Variants in LRRIQ3 observed in about 807,000 individuals in gnomAD.
The protein encoded by LRRIQ3 is leucine rich repeats and IQ motif containing 3, also known as leucine-rich repeat and IQ domain-containing protein 3.
In LRRIQ3, 75 loss-of-function variants were observed where a neutral mutation model predicts 59.3. The observed-to-expected ratio is 1.26, with a 90% CI of 1.05 to 1.53. The LOEUF is 1.53. LRRIQ3 is among the 40% of genes most tolerant of loss of function. The pLI is 0.00. For synonymous variants in LRRIQ3, 250 were observed against 231.3 expected (o/e 1.08, Z -0.73); for missense variants, 831 against 710.0 (o/e 1.17, Z -1.94).
chr1:74,120,152 T>C (rs1229484467), intron 4 of LRRIQ3, among the ~76,000 whole-genome samples: 1 of 151,656 alleles, frequency 6.6e-6, no homozygotes, highest in East Asian at 1.9e-4. Context: ...GGAGTCCTGC[T>C]GTGTCGCCAA....
At chr1:74,145,210 C>T (rs765138452) in intron 4 of LRRIQ3, among the ~76,000 whole-genome samples, 3 of 152,080 alleles carry the variant, frequency 2.0e-5, no homozygotes, top group Non-Finnish European at 4.4e-5. Flanking sequence ...CAATTCGGTG[C>T]TTTTTCCCTG....
intron 6 of LRRIQ3, among the ~76,000 whole-genome samples, chr1:74,043,041 T>A (rs1654094885): frequency 6.6e-6 from 1 of 152,124 alleles, no homozygotes; most frequent in Non-Finnish European, 1.5e-5. Context: ...TAATTATGTT[T>A]CAGTCAATAT....
At chr1:74,133,081 C>T (rs1267450994) in intron 4 of LRRIQ3, among the ~76,000 whole-genome samples, 9 of 152,118 alleles carry the variant, frequency 5.9e-5, no homozygotes, top group South Asian at 2.1e-4. Context: ...CAAAAGAAGA[C>T]ATTTATGCAG....
At chr1:74,048,114 T>C (rs923688123) in intron 6 of LRRIQ3, among the ~76,000 whole-genome samples, 9 of 152,132 alleles carry the variant, frequency 5.9e-5, no homozygotes, top group African/African-American at 2.2e-4. Context: ...TTCTGTTCCT[T>C]AAGTCACCCA....
chr1:74,157,122 T>G (rs1031718161), intron 3 of LRRIQ3, among the ~76,000 whole-genome samples: 1 of 152,142 alleles, frequency 6.6e-6, no homozygotes, highest in Non-Finnish European at 1.5e-5. Context: ...GTCTTTATTC[T>G]ATTCCCAACA....
chr1:74,186,263 A>G (rs536831193), intron 1 of LRRIQ3, among the ~76,000 whole-genome samples: 1 of 151,972 alleles, frequency 6.6e-6, no homozygotes, highest in East Asian at 1.9e-4. Context: ...AGATTCATCC[A>G]CCAGGAATAA....
At chr1:74,036,191 A>C (rs1653867887) in intron 7 of LRRIQ3, among the ~76,000 whole-genome samples, 1 of 152,150 alleles carries the variant, frequency 6.6e-6, no homozygotes. Context: ...TTTTAAGCTG[A>C]AGGAAACTGA....
chr1:74,172,303 T>G (rs1342497487), intron 3 of LRRIQ3, among the ~76,000 whole-genome samples: 1 of 152,200 alleles, frequency 6.6e-6, no homozygotes, highest in Non-Finnish European at 1.5e-5. Context: ...TTTTAGTAAG[T>G]TCATTTTCAC....
chr1:74,166,749 C>A (rs181766082), intron 3 of LRRIQ3, among the ~76,000 whole-genome samples: 1 of 151,578 alleles, frequency 6.6e-6, no homozygotes, highest in African/African-American at 2.4e-5. Context: ...TTCAGTTAAC[C>A]ATTTCTTTAT....
intron 5 of LRRIQ3, among the ~76,000 whole-genome samples, chr1:74,086,700 G>A (rs1646331044): frequency 6.6e-6 from 1 of 152,050 alleles, no homozygotes; most frequent in African/African-American, 2.4e-5. Context: ...TAAAGAAACT[G>A]GGAACATGAG....
rs2100390536 is a variant in LRRIQ3 at position 74,041,949 on chromosome 1, G to A, written c.998-16C>T. 6.4e-7 allele frequency: 1 copy of A among 1,566,744 alleles called. No individual in the cohort carries two copies. ...GACTCCTGACCTACATCAAACAGAA[G>A]CAAATATTATACATTATACAAGAGC... is the stretch of plus-strand genomic sequence containing the variant. On this transcript the variant is annotated splice_polypyrimidine_tract_variant and intron_variant, in intron 6 of 7. Transcript: ENST00000354431.
At chr1:74,029,421 T>C (rs975921614) in intron 7 of LRRIQ3, among the ~76,000 whole-genome samples, 3 of 152,138 alleles carry the variant, frequency 2.0e-5, no homozygotes, top group Admixed American at 6.6e-5. Context: ...CTCTTGAATT[T>C]TGTCAAAGGC....
intron 6 of LRRIQ3, among the ~76,000 whole-genome samples, chr1:74,045,054 C>T (rs1654159281): frequency 6.6e-6 from 1 of 152,140 alleles, no homozygotes; most frequent in Admixed American, 6.6e-5. Context: ...TGGTACCATT[C>T]CTTCTGAAAC....
chr1:74,197,882 C>T (rs939167921), intron 1 of LRRIQ3, 114 bp downstream of exon 1: 13 of 233,366 alleles, frequency 5.6e-5, no homozygotes, highest in African/African-American at 2.7e-4. Context: ...TGAAACAAAC[C>T]ACCAGTTAGG....
intron 3 of LRRIQ3, among the ~76,000 whole-genome samples, chr1:74,157,255 T>A (rs1037043469): frequency 2.0e-5 from 3 of 152,124 alleles, no homozygotes; most frequent in Admixed American, 6.6e-5. Context: ...CTCCATCAAT[T>A]AACTCCCCTC....
chr1:74,073,504 G>T (rs1479001992), intron 6 of LRRIQ3, among the ~76,000 whole-genome samples: 3 of 143,912 alleles, frequency 2.1e-5, no homozygotes, highest in Non-Finnish European at 4.6e-5. Flanking sequence ...GAGTGAGACT[G>T]TCTTAAAACA....
intron 3 of LRRIQ3, among the ~76,000 whole-genome samples, chr1:74,165,469 A>G (rs557560271): frequency 6.6e-6 from 1 of 151,652 alleles, no homozygotes; most frequent in East Asian, 1.9e-4. Flanking sequence ...CTTACTTATT[A>G]GTTCTAATAT....
At chr1:74,084,520 G>C (rs535967065) in intron 5 of LRRIQ3, among the ~76,000 whole-genome samples, 3 of 151,724 alleles carry the variant, frequency 2.0e-5, no homozygotes, top group Non-Finnish European at 4.4e-5. Flanking sequence ...TGTGAAACGA[G>C]TGTATGCATT....
chr1:74,176,643 AT>A (rs11365995), intron 3 of LRRIQ3, among the ~76,000 whole-genome samples: 150,222 of 150,836 alleles, frequency 1, 74,809 homozygotes, highest in Middle Eastern at 1. Flanking sequence ...ATTTCTCAGT[AT>A]TTTTTTTTTC....
Sources: gnomAD v4.1 joint callset for allele counts (sites outside exome capture counted in the v4.1 genomes callset) on GRCh38, gnomAD v4.1.1 for gene constraint, MANE v1.5 for transcripts, NCBI Gene and HGNC (gene_info 2026-07-23, HGNC 2026-07-21) for gene names.